SLC30A8: variants seen among roughly 807,000 people sequenced by gnomAD.
SLC30A8 encodes the protein proton-coupled zinc antiporter SLC30A8.
In SLC30A8, 27 loss-of-function variants were observed where a neutral mutation model predicts 36.9. That is an observed-to-expected ratio of 0.73 (90% CI 0.54 to 1.01). SLC30A8 has a LOEUF of 1.01. Ranked by LOEUF, SLC30A8 falls within the 50% of genes least tolerant of loss-of-function variation. SLC30A8 has a pLI of 0.00. For synonymous variants in SLC30A8, 164 were observed against 172.4 expected (o/e 0.95, Z 0.38); for missense variants, 439 against 452.0 (o/e 0.97, Z 0.26).
chr8:117,117,773 A>G (rs1563608084), intron 2 of SLC30A8, among the ~76,000 whole-genome samples: 1 of 151,974 alleles, frequency 6.6e-6, no homozygotes, highest in East Asian at 1.9e-4. Flanking sequence ...ATATGATGAC[A>G]TCTTCTTTAA....
intron 2 of SLC30A8, among the ~76,000 whole-genome samples, chr8:117,095,319 A>G (rs1440990237): frequency 6.6e-6 from 1 of 152,186 alleles, no homozygotes; most frequent in Non-Finnish European, 1.5e-5. Context: ...TACTAGCATT[A>G]CTAGTTAGTA....
chr8:117,171,124 C>A lies in SLC30A8; in HGVS notation c.920C>A (p.Ser307Tyr), dbSNP rs751109462. The change falls in exon 7 of 8, where the codon TCT (serine) becomes TAT (tyrosine). Residue 307 changes from serine (S) to tyrosine (Y), a missense_variant. Transcript: ENST00000456015. The stretch of plus-strand genomic sequence containing the variant: ...TCTGTGCACAGCCTGCACATCTGGT[C>A]TCTAACAATGAATCAAGTAATTCTC... ...VLSVHSLHIW[S>Y]LTMNQVILSA... The A allele has an allele frequency of 2.5e-6, 4 of 1,613,378 alleles. No homozygotes were observed. The highest frequency in any genetic ancestry group is 3.4e-6 in the Non-Finnish European group (4 of 1,179,628).
intron 1 of SLC30A8, among the ~76,000 whole-genome samples, chr8:116,987,678 T>C (rs1267820247): frequency 6.6e-6 from 1 of 152,036 alleles, no homozygotes; most frequent in African/African-American, 2.4e-5. Flanking sequence ...TCCTTAATAC[T>C]TTTATTATTA....
chr8:117,074,843 A>T (rs1373207621), intron 2 of SLC30A8, among the ~76,000 whole-genome samples: 13 of 152,154 alleles, frequency 8.5e-5, no homozygotes, highest in Non-Finnish European at 1.6e-4. Context: ...ATCTGCCTCT[A>T]TAAAATTGCT....
chr8:116,952,425 T>G (rs972058325), intron 1 of SLC30A8, among the ~76,000 whole-genome samples: 4 of 152,102 alleles, frequency 2.6e-5, no homozygotes, highest in Non-Finnish European at 5.9e-5. Flanking sequence ...TCATGGCCCC[T>G]CACCCCAAAG....
chr8:117,152,816 A>G, intron 2 of SLC30A8, 128 bp from the exon 3 acceptor site: 1 of 710,496 alleles, frequency 1.4e-6, no homozygotes, highest in Non-Finnish European at 2.2e-6. Flanking sequence ...AATTAAATCA[A>G]CTTTAAGATC....
At chr8:116,998,544 C>T (rs921043736) in intron 1 of SLC30A8, among the ~76,000 whole-genome samples, 1 of 152,162 alleles carries the variant, frequency 6.6e-6, no homozygotes, top group Non-Finnish European at 1.5e-5. Context: ...TGAAGAGCGT[C>T]CCCCAAAATT....
upstream of SLC30A8, among the ~76,000 whole-genome samples, chr8:117,131,502 C>T (rs748704249): frequency 6.6e-5 from 10 of 152,090 alleles, no homozygotes; most frequent in Non-Finnish European, 1.3e-4. Flanking sequence ...GAATGGCACT[C>T]TACTGGTGAG....
chr8:117,037,372 G>A (rs1043886242), intron 1 of SLC30A8, among the ~76,000 whole-genome samples: 2 of 152,078 alleles, frequency 1.3e-5, no homozygotes, highest in Non-Finnish European at 2.9e-5. Context: ...AGAGGTTTTC[G>A]AAGACTAACT....
chr8:116,977,235 G>A (rs1450174841), intron 1 of SLC30A8, among the ~76,000 whole-genome samples: 9 of 121,270 alleles, frequency 7.4e-5, no homozygotes, highest in Non-Finnish European at 1.3e-4. Context: ...TGCAAGCTCC[G>A]CCTCCTGGGT....
chr8:117,075,785 A>T (rs1818470070), intron 2 of SLC30A8, among the ~76,000 whole-genome samples: 2 of 152,172 alleles, frequency 1.3e-5, no homozygotes, highest in Non-Finnish European at 2.9e-5. Context: ...GGAGTTTGAA[A>T]CCTATAACAT....
At chr8:117,095,705 G>A (rs934935508) in intron 2 of SLC30A8, among the ~76,000 whole-genome samples, 9 of 152,168 alleles carry the variant, frequency 5.9e-5, no homozygotes, top group Non-Finnish European at 1.0e-4. Flanking sequence ...AGTCAGGTAT[G>A]CAATATTTAT....
upstream of SLC30A8, among the ~76,000 whole-genome samples, chr8:117,131,153 A>G (rs1346875103): frequency 1.3e-5 from 2 of 151,926 alleles, no homozygotes; most frequent in East Asian, 3.9e-4. Flanking sequence ...CTTTCGGTCC[A>G]TTTTCAAGCA....
chr8:116,962,994 TATG>T (rs1042670469), intron 1 of SLC30A8, among the ~76,000 whole-genome samples: 3 of 151,784 alleles, frequency 2.0e-5, no homozygotes, highest in Non-Finnish European at 4.4e-5. Flanking sequence ...TCAGCAAAGT[TATG>T]ATGTGACCTG....
chr8:116,966,282 T>A (rs1473558622), intron 1 of SLC30A8, among the ~76,000 whole-genome samples: 1 of 152,154 alleles, frequency 6.6e-6, no homozygotes, highest in Non-Finnish European at 1.5e-5. Flanking sequence ...ATATTATAGT[T>A]GAGAACACAG....
chr8:117,085,196 C>A (rs1183564931), intron 2 of SLC30A8, among the ~76,000 whole-genome samples: 1 of 151,984 alleles, frequency 6.6e-6, no homozygotes, highest in African/African-American at 2.4e-5. Flanking sequence ...TTACATACTA[C>A]CCTCTATTAT....
chr8:117,050,450 G>A (rs1817674287), intron 2 of SLC30A8, among the ~76,000 whole-genome samples: 1 of 151,054 alleles, frequency 6.6e-6, no homozygotes, highest in African/African-American at 2.4e-5. Flanking sequence ...CTGTTGCCCA[G>A]GCTGGAATGC....
At chr8:117,020,829 A>G (rs917452457) in intron 1 of SLC30A8, among the ~76,000 whole-genome samples, 3 of 152,216 alleles carry the variant, frequency 2.0e-5, no homozygotes, top group African/African-American at 4.8e-5. Context: ...TTCTCTCTTT[A>G]TAAATATCTG....
intron 1 of SLC30A8, among the ~76,000 whole-genome samples, chr8:117,141,211 G>A (rs1346792557): frequency 6.6e-6 from 1 of 152,022 alleles, no homozygotes; most frequent in African/African-American, 2.4e-5. Context: ...AAAAAAGGAG[G>A]AAATATCACA....
Sources: allele counts gnomAD v4.1 joint callset (sites outside exome capture counted in the v4.1 genomes callset), GRCh38; gene constraint gnomAD v4.1.1; transcripts MANE v1.5; gene names NCBI Gene and HGNC (gene_info 2026-07-23, HGNC 2026-07-21).